USP37: variants seen among roughly 807,000 people sequenced by gnomAD.
USP37 encodes the protein ubiquitin specific peptidase 37, also known as ubiquitin carboxyl-terminal hydrolase 37.
USP37 carries 27 observed loss-of-function variants against 124.0 expected under a neutral mutation model. That is an observed-to-expected ratio of 0.22 (90% CI 0.16 to 0.30). The LOEUF is 0.30. USP37 is among the 10% of genes least tolerant of loss of function. USP37 has a pLI of 1.00. For missense variants in USP37, 889 were observed against 1,140.4 expected (o/e 0.78, Z 3.17); for synonymous variants, 365 against 388.0 (o/e 0.94, Z 0.70).
chr2:218,479,672 T>C lies in USP37; in HGVS notation c.1879A>G (p.Thr627Ala), dbSNP rs1691143733. The change falls in exon 18 of 26, where the codon ACC becomes GCC. Residue 627 changes from threonine to alanine, a missense_variant. By Grantham distance (58) the Thr-to-Ala change is moderately conservative (BLOSUM62 0). Transcript: ENST00000258399. ...CACTTTGAAGGTGTAGAAGGGCTGG[T>C]GATGCAGGAATTCACCATTTGAGAG... is the stretch of plus-strand genomic sequence containing the variant. Reference protein sequence around the residue: ...KASQMVNSCITSPSTPSKKFT... With the variant: ...KASQMVNSCIASPSTPSKKFT... 6.2e-7 allele frequency: 1 copy of C among 1,612,466 alleles called. No individual in the cohort carries two copies. The highest frequency in any genetic ancestry group is 8.5e-7 in the Non-Finnish European group (1 of 1,179,232).
At chr2:218,487,188 C>T (rs762446104) in intron 15 of USP37, among the ~76,000 whole-genome samples, 1 of 152,310 alleles carries the variant, frequency 6.6e-6, no homozygotes, top group South Asian at 2.1e-4. Flanking sequence ...GAAACTTTCT[C>T]AATATCTGTA....
At chr2:218,491,263 C>G (rs1042005989) in intron 14 of USP37, among the ~76,000 whole-genome samples, 3 of 152,166 alleles carry the variant, frequency 2.0e-5, no homozygotes, top group African/African-American at 7.2e-5. Flanking sequence ...TGGAAAAAAG[C>G]AAACAGCACT....
chr2:218,565,020 G>A (rs946908391), intron 1 of USP37, among the ~76,000 whole-genome samples: 1 of 152,046 alleles, frequency 6.6e-6, no homozygotes, highest in Non-Finnish European at 1.5e-5. Context: ...CTCCTAGGCT[G>A]AAGCAATCCT....
rs1330242346 is a variant in USP37, at chr2:218,529,856, T to C, written c.863+100A>G. On this transcript the variant is annotated intron_variant, in intron 10 of 25. Coordinates refer to ENST00000258399, the MANE Select transcript of USP37 (RefSeq NM_020935.3). ...TCTCGTCAATTTTGTTAAATTATCA[T>C]ATTCACTTAAGAGGATAATACATAA... 14 of 859,258 alleles carry C rather than the reference T, an allele frequency of 1.6e-5. 1 individual carries two copies. In the South Asian group the frequency reaches 2.7e-4, roughly 17 times the overall value. 53.2% of individuals were successfully genotyped at this position (859,258 alleles called of 1,614,324 possible). A position where few individuals can be genotyped will look rare whatever the true frequency, so the allele number is the denominator to read the frequency against.
In USP37 at chr2:218,463,291, A is replaced by G; in HGVS notation, c.2527+15T>C. 1 of 1,612,276 alleles carries G rather than the reference A, an allele frequency of 6.2e-7. No individual in the cohort carries two copies. Among genetic ancestry groups the G allele is most frequent in the Non-Finnish European group, 8.5e-7 (1 of 1,179,034 alleles). On this transcript the variant is annotated intron_variant, in intron 22 of 25. Transcript: ENST00000258399. The stretch of plus-strand genomic sequence containing the variant: ...TTTTACCATTAAAAAAATGTAATTA[A>G]AAAGATCTCCACACCTTGAAGACTT...
intron 16 of USP37, among the ~76,000 whole-genome samples, chr2:218,483,032 A>G (rs1257013354): frequency 6.6e-6 from 1 of 152,232 alleles, no homozygotes; most frequent in Non-Finnish European, 1.5e-5. Flanking sequence ...TTCTTACCAT[A>G]TATGCCTTCA....
At chr2:218,549,729 G>A in intron 6 of USP37, 80 bp downstream of exon 6, 2 of 1,366,130 alleles carry the variant, frequency 1.5e-6, no homozygotes, top group Non-Finnish European at 2.0e-6. Context: ...CCTCCCAAGT[G>A]CTGGGATTAC....
rs941127284 is a variant in USP37, at chr2:218,522,031, C to T, written c.863+7925G>A. Among the ~76,000 whole-genome samples, 24 of 143,864 alleles carry T rather than the reference C, an allele frequency of 1.7e-4. 1 individual carries two copies. The highest frequency in any genetic ancestry group is 1.5e-4 in the Admixed American group (2 of 13,508). The allele number at this position is 143,864 out of a possible 152,430, so 94.4% of individuals were successfully genotyped here. On this transcript the variant is annotated intron_variant, in intron 10 of 25. Coordinates refer to ENST00000258399, the MANE Select transcript of USP37 (RefSeq NM_020935.3). ...CTGGGGCTACAAGTCCATGCCACCA[C>T]ACGTGGCTTTTTTTTTTTTTTTTTT...
At chr2:218,493,495 G>A (rs1049856407) in intron 14 of USP37, among the ~76,000 whole-genome samples, 1 of 151,976 alleles carries the variant, frequency 6.6e-6, no homozygotes, top group Non-Finnish European at 1.5e-5. Flanking sequence ...TTTTGAGATG[G>A]AGTCTTGCTC....
In USP37 at chr2:218,501,704, GA is replaced by G. The variant is rs1352554378; in HGVS notation, c.1026-3548del. Among the ~76,000 whole-genome samples the G allele has an allele frequency of 4.6e-5, 7 of 152,306 alleles. No individual in the cohort carries two copies. The East Asian group carries it at 1.3e-3, about 29-fold the overall frequency. ...CTTACCAAGTTGAGCTGAGAGAAAT[GA>G]GTTCGAAAAGCTGAGGTTGCTGAGA... On this transcript the variant is annotated intron_variant, in intron 11 of 25. Coordinates refer to ENST00000258399, the MANE Select transcript of USP37 (RefSeq NM_020935.3).
At chr2:218,504,963 C>T (rs1365451941) in intron 11 of USP37, among the ~76,000 whole-genome samples, 1 of 152,120 alleles carries the variant, frequency 6.6e-6, no homozygotes, top group African/African-American at 2.4e-5. Flanking sequence ...CTACTTTCTT[C>T]CTTCTCTCTC....
At position 218,482,085 on chromosome 2, in the gene USP37, C is replaced by G. The variant is rs865790043; in HGVS notation, c.1820G>C (p.Ser607Thr). Residue 607 changes from serine to threonine, a missense_variant, in exon 17 of 26, where the codon AGT (serine) becomes ACT (threonine). Ser to Thr is a moderately conservative substitution (Grantham distance 58). Coordinates refer to ENST00000258399, the MANE Select transcript of USP37 (RefSeq NM_020935.3). ...AAGGACTTACATTGCCATATGTGCA[C>G]TCCAACCAAGGGTAAAAGGTGGTTT... ...NTKPPFTLGW[S>T]AHMAISRPLK... 2 of 1,612,200 alleles carry G rather than the reference C, an allele frequency of 1.2e-6. No individual in the cohort carries two copies. Among genetic ancestry groups the G allele is most frequent in the Non-Finnish European group, 1.7e-6 (2 of 1,178,748 alleles).
intron 3 of USP37, among the ~76,000 whole-genome samples, chr2:218,560,222 T>C (rs1693239248): frequency 6.6e-6 from 1 of 152,224 alleles, no homozygotes; most frequent in African/African-American, 2.4e-5. Context: ...GGATTCTTGC[T>C]TATAATTTAC....
chr2:218,523,524 G>T (rs1690785674), intron 10 of USP37, among the ~76,000 whole-genome samples: 1 of 152,098 alleles, frequency 6.6e-6, no homozygotes, highest in Admixed American at 6.5e-5. Context: ...CATTAATTTT[G>T]TGAATTGATC....
intron 9 of USP37, among the ~76,000 whole-genome samples, chr2:218,532,411 A>G (rs1691377147): frequency 6.7e-6 from 1 of 149,318 alleles, no homozygotes; most frequent in Non-Finnish European, 1.5e-5. Flanking sequence ...GGTTGCAGTG[A>G]GCCGAGGATC....
intron 24 of USP37, among the ~76,000 whole-genome samples, 188 bp from the exon 25 acceptor site, chr2:218,455,906 C>T (rs560361049): frequency 2.4e-4 from 37 of 152,142 alleles, no homozygotes; most frequent in African/African-American, 8.4e-4. Flanking sequence ...ATTAGCCAGG[C>T]ATGGTGGCGT....
At chr2:218,536,509 C>T (rs537730755) in intron 8 of USP37, among the ~76,000 whole-genome samples, 3 of 152,342 alleles carry the variant, frequency 2.0e-5, no homozygotes, top group Admixed American at 2.0e-4. Context: ...AGAAGCCCAG[C>T]TCTCCTGATT....
intron 8 of USP37, among the ~76,000 whole-genome samples, chr2:218,544,420 T>TAGAG (rs1202551075): frequency 1.3e-3 from 70 of 53,312 alleles, no homozygotes; most frequent in Non-Finnish European, 2.0e-3. Flanking sequence ...TATATATATA[T>TAGAG]ATATATATAT....
At chr2:218,482,682 TG>T (rs1009816608) in intron 16 of USP37, among the ~76,000 whole-genome samples, 3 of 152,218 alleles carry the variant, frequency 2.0e-5, no homozygotes, top group Non-Finnish European at 1.5e-5. Flanking sequence ...AGATGATTTT[TG>T]ATGAGAATTA....
Sources: allele counts gnomAD v4.1 joint callset (sites outside exome capture counted in the v4.1 genomes callset), GRCh38; gene constraint gnomAD v4.1.1; transcripts MANE v1.5; gene names NCBI Gene and HGNC (gene_info 2026-07-23, HGNC 2026-07-21).